The following CSMD1 variants were observed in gnomAD, a reference collection of about 807,000 sequenced individuals.
The protein encoded by CSMD1 is CUB and sushi domain-containing protein 1.
CSMD1 carries 213 observed loss-of-function variants against 417.5 expected under a neutral mutation model. The observed-to-expected ratio is 0.51, with a 90% CI of 0.46 to 0.57. CSMD1 has a LOEUF of 0.57. Ranked by LOEUF, CSMD1 falls within the 20% of genes least tolerant of loss-of-function variation. The pLI is 0.00. For synonymous variants in CSMD1, 2,862 were observed against 1,736.8 expected, an observed-to-expected ratio of 1.65 and a Z score of -16.11; for missense variants, 6,923 against 4,529.7, an observed-to-expected ratio of 1.53 and a Z score of -15.17.
At chr8:3,293,475 G>C (rs1378533679) in intron 25 of CSMD1, among the ~76,000 whole-genome samples, 1 of 152,214 alleles carries the variant, frequency 6.6e-6, no homozygotes, top group African/African-American at 2.4e-5. Flanking sequence ...ATCAGACGTA[G>C]ATTCGGTCTT....
At chr8:4,792,758 G>A (rs1380369474) in intron 1 of CSMD1, among the ~76,000 whole-genome samples, 4 of 152,052 alleles carry the variant, frequency 2.6e-5, no homozygotes, top group Non-Finnish European at 4.4e-5. Context: ...CCATTACTAC[G>A]GGGTGTTTTG....
At chr8:4,041,293 A>C (rs975114846) in intron 3 of CSMD1, among the ~76,000 whole-genome samples, 1 of 151,918 alleles carries the variant, frequency 6.6e-6, no homozygotes. Flanking sequence ...CGGGGATTAC[A>C]TGCGTGAGCC....
chr8:4,546,192 T>A (rs1797623325), intron 2 of CSMD1, among the ~76,000 whole-genome samples: 1 of 152,228 alleles, frequency 6.6e-6, no homozygotes, highest in African/African-American at 2.4e-5. Context: ...TTGTTATATC[T>A]ACGGGCCTTG....
At chr8:4,212,880 C>T (rs1185317066) in intron 3 of CSMD1, among the ~76,000 whole-genome samples, 1 of 150,144 alleles carries the variant, frequency 6.7e-6, no homozygotes, top group Non-Finnish European at 1.5e-5. Context: ...AAGATGAGGA[C>T]AACAGTTTAG....
chr8:3,961,361 A>C (rs941354478), intron 5 of CSMD1, among the ~76,000 whole-genome samples: 3 of 152,230 alleles, frequency 2.0e-5, no homozygotes, highest in African/African-American at 7.2e-5. Flanking sequence ...ACTGAAGAAC[A>C]AGGATTCTGA....
intron 3 of CSMD1, among the ~76,000 whole-genome samples, chr8:4,292,891 G>C (rs1037186671): frequency 2.0e-5 from 3 of 152,148 alleles, no homozygotes; most frequent in African/African-American, 7.2e-5. Context: ...TTTGTAAAGA[G>C]ATAATTTGTT....
intron 2 of CSMD1, among the ~76,000 whole-genome samples, chr8:4,466,219 G>A (rs1032904684): frequency 6.6e-6 from 1 of 152,120 alleles, no homozygotes; most frequent in Non-Finnish European, 1.5e-5. Flanking sequence ...TAGTGAGACA[G>A]GGATCTCTCC....
At chr8:3,119,518 G>A (rs1355296135) in intron 41 of CSMD1, among the ~76,000 whole-genome samples, 1 of 151,720 alleles carries the variant, frequency 6.6e-6, no homozygotes, top group Admixed American at 6.6e-5. Flanking sequence ...TAAACTCCAG[G>A]TAAGACAAGA....
intron 5 of CSMD1, among the ~76,000 whole-genome samples, chr8:3,912,160 T>C (rs919463890): frequency 3.5e-4 from 54 of 152,220 alleles, no homozygotes; most frequent in Non-Finnish European, 2.9e-5. Context: ...AATGGGAACT[T>C]CACATTTCTC....
intron 2 of CSMD1, among the ~76,000 whole-genome samples, chr8:4,545,849 G>A (rs1239098750): frequency 6.6e-6 from 1 of 152,174 alleles, no homozygotes; most frequent in African/African-American, 2.4e-5. Flanking sequence ...TTTCTAGGAA[G>A]ATCATTTCAT....
chr8:4,046,873 G>T (rs371706743), intron 3 of CSMD1, among the ~76,000 whole-genome samples: 4 of 152,132 alleles, frequency 2.6e-5, no homozygotes, highest in African/African-American at 9.7e-5. Flanking sequence ...GAGCCCCACA[G>T]AGAATGTGAC....
At chr8:4,611,939 T>C (rs975628119) in intron 2 of CSMD1, among the ~76,000 whole-genome samples, 3 of 152,182 alleles carry the variant, frequency 2.0e-5, no homozygotes, top group Non-Finnish European at 4.4e-5. Context: ...TACTTGTGAA[T>C]TCAGGATTTC....
intron 18 of CSMD1, among the ~76,000 whole-genome samples, chr8:3,372,102 T>C (rs1359428642): frequency 6.6e-6 from 1 of 151,886 alleles, no homozygotes; most frequent in East Asian, 1.9e-4. Context: ...CACATGACTG[T>C]GAAGAAAATT....
chr8:3,583,981 T>C (rs1800492034), intron 9 of CSMD1, among the ~76,000 whole-genome samples: 1 of 152,010 alleles, frequency 6.6e-6, no homozygotes, highest in Admixed American at 6.6e-5. Flanking sequence ...AGCATGGCCT[T>C]TGTCTAACTG....
intron 3 of CSMD1, among the ~76,000 whole-genome samples, chr8:4,121,460 G>C (rs1327044793): frequency 1.3e-5 from 2 of 152,062 alleles, no homozygotes; most frequent in East Asian, 3.9e-4. Flanking sequence ...GGGCTTCTTT[G>C]CTATACTTGC....
chr8:4,063,724 T>C (rs1005042734), intron 3 of CSMD1, among the ~76,000 whole-genome samples: 1 of 152,268 alleles, frequency 6.6e-6, no homozygotes, highest in Middle Eastern at 3.4e-3. Flanking sequence ...GTCCACTGCC[T>C]TAGAAATGGG....
chr8:4,491,847 G>A (rs1041010689), intron 2 of CSMD1, among the ~76,000 whole-genome samples: 23 of 152,274 alleles, frequency 1.5e-4, no homozygotes, highest in Middle Eastern at 3.4e-3. Context: ...CTTACTGTAC[G>A]ATCCAGCAAC....
At chr8:3,620,080 C>A (rs892736078) in intron 7 of CSMD1, among the ~76,000 whole-genome samples, 19 of 151,794 alleles carry the variant, frequency 1.3e-4, no homozygotes, top group African/African-American at 4.4e-4. Flanking sequence ...CTAGCCTGGG[C>A]AACAGAGCAA....
chr8:3,903,555 T>C (rs1490237123), intron 5 of CSMD1, among the ~76,000 whole-genome samples: 1 of 152,194 alleles, frequency 6.6e-6, no homozygotes, highest in Non-Finnish European at 1.5e-5. Context: ...GTTTCTGAAT[T>C]TCAATGTGTA....
Sources: allele counts gnomAD v4.1 joint callset (sites outside exome capture counted in the v4.1 genomes callset), GRCh38; gene constraint gnomAD v4.1.1; transcripts MANE v1.5; gene names NCBI Gene and HGNC (gene_info 2026-07-23, HGNC 2026-07-21).